LRP1B: variants seen among roughly 807,000 people sequenced by gnomAD.
The protein encoded by LRP1B is low-density lipoprotein receptor-related protein 1B.
LRP1B carries 217 observed loss-of-function variants against 556.6 expected under a neutral mutation model. That is an observed-to-expected ratio of 0.39 (90% CI 0.35 to 0.44). LRP1B has a LOEUF of 0.44. Ranked by LOEUF, LRP1B falls within the 20% of genes least tolerant of loss-of-function variation. LRP1B has a pLI of 1.00. For synonymous variants in LRP1B, 2,047 were observed against 1,865.8 expected, an observed-to-expected ratio of 1.10 and a Z score of -2.50; for missense variants, 5,053 against 5,620.8, an observed-to-expected ratio of 0.90 and a Z score of 3.23.
intron 41 of LRP1B, among the ~76,000 whole-genome samples, chr2:140,642,262 C>T (rs1331651947): frequency 1.3e-5 from 2 of 152,176 alleles, no homozygotes; most frequent in African/African-American, 2.4e-5. Flanking sequence ...TCCACTTAGC[C>T]TGTGCCGAGG....
intron 2 of LRP1B, among the ~76,000 whole-genome samples, chr2:141,735,686 C>T (rs1381378546): frequency 6.6e-6 from 1 of 151,936 alleles, no homozygotes; most frequent in Non-Finnish European, 1.5e-5. Flanking sequence ...GAACTTTTTT[C>T]TCTTCTGCAG....
At chr2:141,687,275 T>A (rs1394350671) in intron 2 of LRP1B, among the ~76,000 whole-genome samples, 1 of 151,958 alleles carries the variant, frequency 6.6e-6, no homozygotes, top group Admixed American at 6.6e-5. Context: ...GAAAACAACC[T>A]AGATAACATT....
chr2:140,807,984 G>A (rs1482246373), intron 32 of LRP1B, among the ~76,000 whole-genome samples: 3 of 152,086 alleles, frequency 2.0e-5, no homozygotes, highest in Non-Finnish European at 4.4e-5. Context: ...CCCAGCTACT[G>A]GGGAGGCTGA....
intron 3 of LRP1B, among the ~76,000 whole-genome samples, chr2:141,255,446 G>T (rs1272299806): frequency 1.3e-5 from 2 of 152,122 alleles, no homozygotes; most frequent in East Asian, 3.9e-4. Flanking sequence ...TTTGCCAAGA[G>T]TTTAGCTGGT....
chr2:140,732,268 T>C (rs1687805004), intron 35 of LRP1B, among the ~76,000 whole-genome samples: 1 of 152,144 alleles, frequency 6.6e-6, no homozygotes, highest in African/African-American at 2.4e-5. Context: ...TTAATTATCA[T>C]TGCTAATCAA....
At chr2:140,287,292 T>C (rs1683187761) in intron 84 of LRP1B, among the ~76,000 whole-genome samples, 1 of 151,846 alleles carries the variant, frequency 6.6e-6, no homozygotes, top group East Asian at 1.9e-4. Flanking sequence ...CTTTCTAATG[T>C]AAGGAGCAAT....
chr2:140,368,028 G>T (rs1682839793), intron 71 of LRP1B, among the ~76,000 whole-genome samples: 1 of 151,670 alleles, frequency 6.6e-6, no homozygotes, highest in Non-Finnish European at 1.5e-5. Flanking sequence ...AAGGTTTTGT[G>T]ATAACCTACT....
At chr2:141,666,250 C>T (rs184281109) in intron 2 of LRP1B, among the ~76,000 whole-genome samples, 1 of 152,190 alleles carries the variant, frequency 6.6e-6, no homozygotes, top group Non-Finnish European at 1.5e-5. Context: ...TCATTGTAGG[C>T]AACAATGTTA....
chr2:140,686,723 A>G lies in LRP1B; in HGVS notation c.6799+13527T>C, dbSNP rs76793799. Among the ~76,000 whole-genome samples the G allele has an allele frequency of 8.6e-3, 1,311 of 152,122 alleles. 6 individuals are homozygous for G. The highest frequency in any genetic ancestry group is 0.013 in the Non-Finnish European group (903 of 67,938). Reference sequence around the variant, plus strand: ...TAGGAAATGTGGACTTGGTGACATAATAAATAATGAGGGTCTCAGTATAAA... The same window carrying G: ...TAGGAAATGTGGACTTGGTGACATAGTAAATAATGAGGGTCTCAGTATAAA... On this transcript the variant is annotated intron_variant, in intron 41 of 90. Transcript: ENST00000389484.
At chr2:140,233,599 C>A (rs1409487625) in intron 90 of LRP1B, among the ~76,000 whole-genome samples, 5 of 151,112 alleles carry the variant, frequency 3.3e-5, no homozygotes, top group Non-Finnish European at 5.9e-5. Flanking sequence ...AGAAAAAAAT[C>A]TTTGTAAAAG....
chr2:141,216,112 C>T (rs1210600759), intron 6 of LRP1B, among the ~76,000 whole-genome samples: 2 of 152,124 alleles, frequency 1.3e-5, no homozygotes, highest in Admixed American at 6.5e-5. Flanking sequence ...GTTCCAGGGA[C>T]CAGGACCAAG....
chr2:140,470,165 T>C lies in LRP1B; in HGVS notation c.9625+4973A>G, dbSNP rs16844043. Among the ~76,000 whole-genome samples, 1,600 of 152,334 alleles carry C rather than the reference T, an allele frequency of 0.011. 53 individuals are homozygous for C. In the East Asian group the frequency reaches 0.14, roughly 14 times the overall value. ...TAGGTTTTCTCCTCCATCATTAATTTGATTAGTTTACAAGTGTTCAACTTT... is the reference window on the plus strand; with the variant it reads ...TAGGTTTTCTCCTCCATCATTAATTCGATTAGTTTACAAGTGTTCAACTTT... On this transcript the variant is annotated intron_variant, in intron 60 of 90. Transcript: ENST00000389484.
At chr2:142,109,557 C>T (rs1706885335) in intron 1 of LRP1B, among the ~76,000 whole-genome samples, 1 of 152,070 alleles carries the variant, frequency 6.6e-6, no homozygotes, top group Admixed American at 6.6e-5. Flanking sequence ...TTACTGTAAG[C>T]AATGCTTATT....
chr2:141,729,888 C>T (rs1693203830), intron 2 of LRP1B, among the ~76,000 whole-genome samples: 1 of 152,036 alleles, frequency 6.6e-6, no homozygotes. Context: ...TCTGATAGAG[C>T]AAGAGTCTGA....
intron 9 of LRP1B, among the ~76,000 whole-genome samples, chr2:141,055,946 G>T (rs1484188808): frequency 6.6e-6 from 1 of 151,216 alleles, no homozygotes; most frequent in Non-Finnish European, 1.5e-5. Flanking sequence ...GTACTATATG[G>T]AGAGGATGAG....
chr2:141,587,923 C>T (rs551269980), intron 2 of LRP1B, among the ~76,000 whole-genome samples: 15 of 152,238 alleles, frequency 9.9e-5, no homozygotes, highest in African/African-American at 3.6e-4. Context: ...CACGTATACA[C>T]CAAGGTTACT....
chr2:141,233,780 T>C (rs1196281090), intron 5 of LRP1B, among the ~76,000 whole-genome samples: 2 of 152,120 alleles, frequency 1.3e-5, no homozygotes, highest in African/African-American at 4.8e-5. Context: ...AGAATATTAA[T>C]TTGGCTAGTT....
intron 1 of LRP1B, among the ~76,000 whole-genome samples, chr2:142,120,114 T>TG (rs1707405533): frequency 6.3e-5 from 2 of 31,904 alleles, no homozygotes; most frequent in African/African-American, 1.3e-4. Flanking sequence ...ACTACAGGTT[T>TG]TTTTGTTTGT....
intron 2 of LRP1B, among the ~76,000 whole-genome samples, chr2:141,519,360 G>GAGATAT (rs1366593169): frequency 2.2e-4 from 15 of 68,300 alleles, no homozygotes; most frequent in African/African-American, 8.5e-4. Flanking sequence ...TTAAGTCAAT[G>GAGATAT]ATATATATAT....
Sources: allele counts gnomAD v4.1 joint callset (sites outside exome capture counted in the v4.1 genomes callset), GRCh38; gene constraint gnomAD v4.1.1; transcripts MANE v1.5; gene names NCBI Gene and HGNC (gene_info 2026-07-23, HGNC 2026-07-21).